The following HABP4 variants were observed in gnomAD, a reference collection of about 807,000 sequenced individuals.
The protein encoded by HABP4 is hyaluronan binding protein 4, also known as intracellular hyaluronan-binding protein 4.
A neutral mutation model predicts 44.1 loss-of-function variants in HABP4; 32 were observed. The ratio of observed to expected loss-of-function variants is 0.73; its 90% CI spans 0.55 to 0.97. HABP4 has a LOEUF of 0.97. Ranked by LOEUF, HABP4 falls within the 50% of genes least tolerant of loss-of-function variation. The pLI is 0.00. For synonymous variants in HABP4, 216 were observed against 218.0 expected (o/e 0.99, Z 0.08); for missense variants, 503 against 561.9 (o/e 0.90, Z 1.06).
Position 96,486,187 on chromosome 9 carries a change from G to A in HABP4, c.999+1554G>A, listed in dbSNP as rs547349979. ...AGCCTGGGCAACAAAGTGAGACTTC[G>A]TCTCCAAACAAAACAAAAAAAAAGA... On this transcript the variant is annotated intron_variant, in intron 6 of 7. Transcript: ENST00000375249. 5.9e-5 allele frequency among the ~76,000 whole-genome samples: 9 copies of A among 152,078 alleles called. No homozygotes were observed. The South Asian group carries it at 1.2e-3, about 21-fold the overall frequency.
chr9:96,466,195 C>G (rs376825184), intron 4 of HABP4, among the ~76,000 whole-genome samples: 8 of 152,038 alleles, frequency 5.3e-5, no homozygotes, highest in African/African-American at 1.9e-4. Context: ...CATGGTGAAA[C>G]CCCGTTTCTA....
At chr9:96,465,538 T>C in intron 3 of HABP4, 40 bp downstream of exon 3, 2 of 1,354,858 alleles carry the variant, frequency 1.5e-6, no homozygotes, top group Non-Finnish European at 1.1e-6. Context: ...TTTAAGATGG[T>C]GTCAGCACGT....
chr9:96,483,800 T>A (rs999379548), intron 5 of HABP4: 22 of 152,238 alleles, frequency 1.4e-4, no homozygotes, highest in African/African-American at 4.8e-4. Flanking sequence ...AAGAGTTTTA[T>A]ATTTTAGCTC....
intron 2 of HABP4, among the ~76,000 whole-genome samples, chr9:96,461,130 T>C (rs1465626458): frequency 1.3e-5 from 2 of 152,214 alleles, no homozygotes; most frequent in African/African-American, 2.4e-5. Context: ...TCAGTGTGGA[T>C]ACCAAGTTTC....
At chr9:96,461,888 G>T (rs1183149154) in intron 2 of HABP4, among the ~76,000 whole-genome samples, 4 of 152,150 alleles carry the variant, frequency 2.6e-5, no homozygotes, top group African/African-American at 9.7e-5. Flanking sequence ...CGGCACAGTG[G>T]CTCATGCCTG....
intron 2 of HABP4, among the ~76,000 whole-genome samples, chr9:96,461,176 T>C (rs1437621264): frequency 6.6e-6 from 1 of 152,148 alleles, no homozygotes; most frequent in Non-Finnish European, 1.5e-5. Flanking sequence ...AGAAGAATGG[T>C]GATGATAGTT....
At chr9:96,484,094 A>C (rs1321797252) in intron 5 of HABP4, 1 of 160,784 alleles carries the variant, frequency 6.2e-6, no homozygotes, top group Admixed American at 6.2e-5. Flanking sequence ...CTGCTTTAAA[A>C]CTTGTTTATG....
rs977940855 is a variant in HABP4, at chr9:96,481,481, A to T, written c.828-2981A>T. ...ATATAGGCCAGGTGTGGTGGTTCAG[A>T]TCTGTAATCCCAACACTTTGGGAGG... is the stretch of plus-strand genomic sequence containing the variant. On this transcript the variant is annotated intron_variant, in intron 5 of 7. Transcript: ENST00000375249. Among the ~76,000 whole-genome samples, 7 of 152,138 alleles carry T rather than the reference A, an allele frequency of 4.6e-5. 1 individual carries two copies. The East Asian group carries it at 1.2e-3, about 25-fold the overall frequency.
chr9:96,465,474 A>G lies in HABP4; in HGVS notation c.650A>G (p.Glu217Gly). ...AFDQRGKREF[E>G]RYGGNDKIAV... ...GACCAGAGAGGAAAGCGAGAATTTG[A>G]AAGATATGGTGGGAATGACAAAATG... Residue 217 changes from glutamate to glycine, a missense_variant, in exon 3 of 8, where the codon GAA becomes GGA. Glu to Gly is a moderately conservative substitution (Grantham distance 98). Transcript: ENST00000375249. The G allele has an allele frequency of 6.2e-7, 1 of 1,612,424 alleles. No homozygotes were observed. The highest frequency in any genetic ancestry group is 1.1e-5 in the South Asian group (1 of 91,038).
chr9:96,452,618 C>T (rs1034683671), intron 1 of HABP4, among the ~76,000 whole-genome samples: 6 of 151,922 alleles, frequency 3.9e-5, no homozygotes, highest in Non-Finnish European at 7.4e-5. Flanking sequence ...TTTTATCATT[C>T]AAGTTCTTTT....
At chr9:96,469,265 C>A (rs930369485) in intron 4 of HABP4, among the ~76,000 whole-genome samples, 6 of 152,114 alleles carry the variant, frequency 3.9e-5, no homozygotes, top group Non-Finnish European at 7.4e-5. Context: ...AATAATGCTG[C>A]CTTTCAACTT....
intron 1 of HABP4, among the ~76,000 whole-genome samples, chr9:96,453,087 ATTTTTTT>A (rs898977695): frequency 6.5e-5 from 6 of 92,594 alleles, no homozygotes; most frequent in East Asian, 4.9e-4. Flanking sequence ...TGCCCGGCTA[ATTTTTTT>A]TTTTTTTTTT....
intron 1 of HABP4, among the ~76,000 whole-genome samples, chr9:96,455,252 A>T (rs1050504668): frequency 6.6e-6 from 1 of 152,070 alleles, no homozygotes; most frequent in African/African-American, 2.4e-5. Flanking sequence ...GGAGTTCAAG[A>T]CCAGCCTGGC....
intron 1 of HABP4, among the ~76,000 whole-genome samples, chr9:96,456,778 AAAATATATATATATATATATATATAT>A (rs1466935226): frequency 3.0e-4 from 16 of 53,224 alleles, no homozygotes; most frequent in Middle Eastern, 0.011. Context: ...AAAAAAAAAA[AAAATATATATATATATATATATATAT>A]ATATATATAT....
At chr9:96,489,901 G>A in intron 7 of HABP4, 81 bp from the exon 8 acceptor site, 2 of 885,518 alleles carry the variant, frequency 2.3e-6, no homozygotes, top group South Asian at 1.3e-5. Flanking sequence ...CAGCGTTGGT[G>A]CCAGGCCCTT....
At chr9:96,460,994 C>G (rs1832491404) in intron 2 of HABP4, among the ~76,000 whole-genome samples, 1 of 152,118 alleles carries the variant, frequency 6.6e-6, no homozygotes, top group Admixed American at 6.5e-5. Flanking sequence ...AGGAAAATAA[C>G]ATTTGAGCCA....
Position 96,450,645 on chromosome 9 carries a change from G to C in HABP4, c.349+17G>C, listed in dbSNP as rs1832255570. 5 of 1,261,500 alleles carry C rather than the reference G, an allele frequency of 4.0e-6. No homozygotes were observed. The highest frequency in any genetic ancestry group is 5.7e-5 in the South Asian group (2 of 35,174). The allele number at this position is 1,261,500 out of a possible 1,614,324, so 78.1% of individuals were successfully genotyped here. On this transcript the variant is annotated intron_variant, in intron 1 of 7. Transcript: ENST00000375249. This position sits in a 1 kb window ranked among gnomAD's most constrained non-coding sequence, Gnocchi z 4.8. ...AGGCGCCGGGTACGCGGGGACAGCG[G>C]GGTTAGCGGACCACGGCTCGGCCCG...
At chr9:96,486,215 C>A (rs1353395142) in intron 6 of HABP4, among the ~76,000 whole-genome samples, 1 of 152,034 alleles carries the variant, frequency 6.6e-6, no homozygotes, top group Non-Finnish European at 1.5e-5. Context: ...AAAAAAGATA[C>A]AGGATTCTCT....
chr9:96,472,050 A>G (rs1361268138), intron 5 of HABP4, among the ~76,000 whole-genome samples: 3 of 151,942 alleles, frequency 2.0e-5, no homozygotes, highest in African/African-American at 7.2e-5. Context: ...CAGCCTCCCA[A>G]AGTGCTGGGA....
Sources: gnomAD v4.1 joint callset for allele counts (sites outside exome capture counted in the v4.1 genomes callset) on GRCh38, gnomAD v4.1.1 for gene constraint, Gnocchi (gnomAD v3.1) non-coding constraint, MANE v1.5 for transcripts, NCBI Gene and HGNC (gene_info 2026-07-23, HGNC 2026-07-21) for gene names.